Variants in MAST2 observed in about 807,000 individuals in gnomAD.
MAST2 encodes the protein microtubule-associated serine/threonine-protein kinase 2.
In MAST2, 70 loss-of-function variants were observed where a neutral mutation model predicts 147.4. That is an observed-to-expected ratio of 0.47 (90% CI 0.39 to 0.58). The LOEUF is 0.58. Among genes scored for constraint, MAST2 ranks in the 20% least tolerant of loss-of-function variants. MAST2 has a pLI of 0.00. For missense variants in MAST2, 2,080 were observed against 2,302.3 expected (o/e 0.90, Z 1.98); for synonymous variants, 869 against 896.8 (o/e 0.97, Z 0.55).
chr1:46,005,921 T>G (rs946792141), intron 7 of MAST2, among the ~76,000 whole-genome samples: 2 of 152,180 alleles, frequency 1.3e-5, no homozygotes, highest in African/African-American at 4.8e-5. Flanking sequence ...TGCAGCTGGG[T>G]ACACCTAAAA....
chr1:45,825,471 T>C (rs1644763072), intron 2 of MAST2, among the ~76,000 whole-genome samples: 1 of 149,604 alleles, frequency 6.7e-6, no homozygotes, highest in African/African-American at 2.5e-5. Flanking sequence ...CTCACTTTAC[T>C]GCCCAGGCTG....
chr1:45,832,342 CCA>C (rs1644984283), intron 3 of MAST2, among the ~76,000 whole-genome samples: 1 of 150,350 alleles, frequency 6.7e-6, no homozygotes. Flanking sequence ...CCTCTGTTGT[CCA>C]GTCTGGAGTG....
intron 5 of MAST2, among the ~76,000 whole-genome samples, chr1:45,970,246 C>G (rs1643866337): frequency 6.6e-6 from 1 of 152,134 alleles, no homozygotes; most frequent in African/African-American, 2.4e-5. Context: ...GGAGCCCCCC[C>G]ATGACTAGAT....
intron 4 of MAST2, among the ~76,000 whole-genome samples, chr1:45,889,457 G>A (rs1044657147): frequency 6.6e-6 from 1 of 152,162 alleles, no homozygotes; most frequent in African/African-American, 2.4e-5. Flanking sequence ...GAGGTGCTGA[G>A]ATTACAGGTG....
intron 3 of MAST2, among the ~76,000 whole-genome samples, chr1:45,882,012 T>TAAA (rs71062722): frequency 0.23 from 9,268 of 39,558 alleles, 1,769 homozygotes; most frequent in East Asian, 0.49. Context: ...CCGTCTCTAC[T>TAAA]AAAAAAAAAA....
At chr1:45,879,733 A>T (rs1430077974) in intron 3 of MAST2, among the ~76,000 whole-genome samples, 1 of 152,132 alleles carries the variant, frequency 6.6e-6, no homozygotes, top group Non-Finnish European at 1.5e-5. Flanking sequence ...TTAAAAAGGT[A>T]AAAAAATTTT....
At position 46,027,748 on chromosome 1, in the gene MAST2, T is replaced by C. The variant is rs1439101217; in HGVS notation, c.1937T>C (p.Met646Thr). ...TCTTCCAGCCTCCTAATTACATCCATGGGGCACATCAAGCTCACGGACTTT... is the reference window on the plus strand; with the variant it reads ...TCTTCCAGCCTCCTAATTACATCCACGGGGCACATCAAGCTCACGGACTTT... ...LKPDNLLITS[M>T]GHIKLTDFGL... The change falls in exon 17 of 29, where the codon ATG (methionine) becomes ACG (threonine). Residue 646 changes from methionine (M) to threonine (T), a missense_variant. Transcript: ENST00000361297. 2 of 1,612,690 alleles carry C rather than the reference T, an allele frequency of 1.2e-6. No homozygotes were observed. Among genetic ancestry groups the C allele is most frequent in the Non-Finnish European group, 8.5e-7 (1 of 1,179,566 alleles).
intron 4 of MAST2, among the ~76,000 whole-genome samples, chr1:45,900,195 A>AAAAAAAAAAAAAAATT (rs1553226994): frequency 1.4e-4 from 13 of 93,176 alleles, no homozygotes; most frequent in African/African-American, 4.6e-4. Context: ...AAAAAAAAAA[A>AAAAAAAAAAAAAAATT]GATTTACCCT....
chr1:45,878,741 T>G (rs1381703597), intron 3 of MAST2, among the ~76,000 whole-genome samples: 1 of 152,120 alleles, frequency 6.6e-6, no homozygotes, highest in African/African-American at 2.4e-5. Flanking sequence ...TTATTTATAA[T>G]AGCTTTAAAA....
intron 1 of MAST2, among the ~76,000 whole-genome samples, chr1:45,816,204 G>GGGGAGAGAGAGAGAGAAAGA (rs1644445884): frequency 1.8e-5 from 1 of 55,876 alleles, no homozygotes; most frequent in Non-Finnish European, 4.0e-5. Context: ...TGGGGGTGGG[G>GGGGAGAGAGAGAGAGAAAGA]GGGAGAGAGA....
At chr1:45,828,925 C>CAA (rs1227782052) in intron 2 of MAST2, among the ~76,000 whole-genome samples, 1 of 131,236 alleles carries the variant, frequency 7.6e-6, no homozygotes, top group Non-Finnish European at 1.6e-5. Context: ...CACTCTGTCT[C>CAA]AAAAAAAAAA....
intron 4 of MAST2, among the ~76,000 whole-genome samples, chr1:45,957,220 T>C (rs976702720): frequency 2.6e-5 from 4 of 152,248 alleles, no homozygotes; most frequent in African/African-American, 9.6e-5. Context: ...GTGAGATTCA[T>C]CCATTGTGTG....
chr1:45,862,487 AT>A (rs67344347), intron 3 of MAST2, among the ~76,000 whole-genome samples: 3,362 of 136,114 alleles, frequency 0.025, 105 homozygotes, highest in East Asian at 0.2. Context: ...AGGACTGAAG[AT>A]TTTTTTTTTT....
At chr1:45,994,327 C>T (rs1278734257) in intron 5 of MAST2, among the ~76,000 whole-genome samples, 3 of 134,582 alleles carry the variant, frequency 2.2e-5, no homozygotes, top group Non-Finnish European at 4.6e-5. Context: ...TGCTGCCCAG[C>T]CAGGCTGGAG....
Position 46,025,601 on chromosome 1 carries a change from A to G in MAST2, c.1781-76A>G, listed in dbSNP as rs897683352. The G allele has an allele frequency of 3.8e-6, 6 of 1,585,320 alleles. No individual in the cohort carries two copies. The Admixed American group carries it at 1.0e-4, about 27-fold the overall frequency. ...GAAGCTGTCTCCTCTGGGACCTCAG[A>G]AACTGCCAGATGGGAGCTGGCTAGC... On this transcript the variant is annotated intron_variant, in intron 15 of 28. Coordinates refer to ENST00000361297, the MANE Select transcript of MAST2 (RefSeq NM_015112.3).
intron 16 of MAST2, among the ~76,000 whole-genome samples, chr1:46,026,714 A>C (rs978971705): frequency 2.6e-5 from 4 of 152,192 alleles, no homozygotes; most frequent in East Asian, 3.9e-4. Flanking sequence ...GGGGGTAGGA[A>C]GGGAAGTGAG....
intron 3 of MAST2, among the ~76,000 whole-genome samples, chr1:45,879,546 C>A (rs1403529077): frequency 2.4e-5 from 3 of 123,642 alleles, no homozygotes; most frequent in African/African-American, 9.1e-5. Flanking sequence ...GCGCTCCAGC[C>A]TGGGTGACAG....
At chr1:45,932,084 G>A (rs1413327830) in intron 4 of MAST2, among the ~76,000 whole-genome samples, 1 of 152,098 alleles carries the variant, frequency 6.6e-6, no homozygotes, top group African/African-American at 2.4e-5. Flanking sequence ...TTATTAACGT[G>A]GTGTTTTGCT....
chr1:45,956,661 A>G (rs1659702378), intron 4 of MAST2, among the ~76,000 whole-genome samples: 1 of 152,236 alleles, frequency 6.6e-6, no homozygotes, highest in African/African-American at 2.4e-5. Context: ...TTAGGTCATT[A>G]CTTGCAAATC....
Sources: allele counts gnomAD v4.1 joint callset (sites outside exome capture counted in the v4.1 genomes callset), GRCh38; gene constraint gnomAD v4.1.1; transcripts MANE v1.5; gene names NCBI Gene and HGNC (gene_info 2026-07-23, HGNC 2026-07-21).